The following TEK variants were observed in gnomAD, a reference collection of about 807,000 sequenced individuals.
TEK encodes angiopoietin-1 receptor.
TEK carries 43 observed loss-of-function variants against 131.8 expected under a neutral mutation model. The ratio of observed to expected loss-of-function variants is 0.33; its 90% CI spans 0.26 to 0.42. The LOEUF (loss-of-function observed/expected upper bound fraction) is 0.42. TEK is among the 10% of genes least tolerant of loss of function. TEK has a pLI of 1.00. For missense variants in TEK, 1,162 were observed against 1,384.4 expected (o/e 0.84, Z 2.55); for synonymous variants, 580 against 491.6 (o/e 1.18, Z -2.38).
At chr9:27,220,015 G>T (rs905982347) in intron 20 of TEK, 34 bp from the exon 21 acceptor site, 5 of 1,605,406 alleles carry the variant, frequency 3.1e-6, no homozygotes, top group Admixed American at 3.3e-5. Flanking sequence ...TTTCATGCCA[G>T]AGAGGACTTA....
chr9:27,111,609 AG>A (rs1821351516), intron 1 of TEK, among the ~76,000 whole-genome samples: 3 of 151,040 alleles, frequency 2.0e-5, no homozygotes, highest in African/African-American at 4.9e-5. Flanking sequence ...AGAGGGCTGG[AG>A]GGGATGTGTA....
At chr9:27,228,152 C>T in intron 21 of TEK, 54 bp from the exon 22 acceptor site, 2 of 1,452,256 alleles carry the variant, frequency 1.4e-6, no homozygotes, top group Non-Finnish European at 1.9e-6. Flanking sequence ...TCCTGCCGTG[C>T]CTAGGACTGA....
chr9:27,149,813 G>A (rs1055264885), intron 1 of TEK, among the ~76,000 whole-genome samples: 14 of 152,106 alleles, frequency 9.2e-5, no homozygotes, highest in African/African-American at 3.4e-4. Flanking sequence ...TGGGAACTTG[G>A]CAGGTAATTG....
chr9:27,220,185 T>A, intron 21 of TEK, 40 bp downstream of exon 21: 1 of 1,598,528 alleles, frequency 6.3e-7, no homozygotes, highest in Non-Finnish European at 8.6e-7. Context: ...TGTCTTACCT[T>A]CCCCCTGTGT....
At chr9:27,147,101 C>G (rs1216114024) in intron 1 of TEK, among the ~76,000 whole-genome samples, 1 of 152,108 alleles carries the variant, frequency 6.6e-6, no homozygotes, top group African/African-American at 2.4e-5. Context: ...TTGGGTGATA[C>G]GTAAGTGTAT....
chr9:27,186,286 C>T (rs1824596687), intron 9 of TEK, among the ~76,000 whole-genome samples: 1 of 152,146 alleles, frequency 6.6e-6, no homozygotes, highest in Admixed American at 6.6e-5. Context: ...GTTAACTTGG[C>T]TGGTGTACGT....
intron 9 of TEK, among the ~76,000 whole-genome samples, chr9:27,187,760 G>A (rs1019048050): frequency 6.6e-6 from 1 of 152,056 alleles, no homozygotes; most frequent in Non-Finnish European, 1.5e-5. Context: ...CTTGTAGATG[G>A]CCACTGTCTC....
At chr9:27,227,366 C>T (rs1826380504) in intron 21 of TEK, among the ~76,000 whole-genome samples, 1 of 152,146 alleles carries the variant, frequency 6.6e-6, no homozygotes, top group Non-Finnish European at 1.5e-5. Flanking sequence ...ATACATGATG[C>T]AAGGGGAAAG....
intron 1 of TEK, among the ~76,000 whole-genome samples, chr9:27,151,551 A>G (rs1384304040): frequency 6.6e-6 from 1 of 152,150 alleles, no homozygotes; most frequent in South Asian, 2.1e-4. Flanking sequence ...CCTTTAGACT[A>G]AAAGTCCACA....
In TEK at chr9:27,183,456, C is replaced by T. The variant is rs1336423876; in HGVS notation, c.1031-3C>T. The stretch of plus-strand genomic sequence containing the variant: ...ATTTCACAGTGCTGTTTTCTTCCTT[C>T]AGGCATACAGAGGATGACCCCAAAG... On this transcript the variant is annotated splice_polypyrimidine_tract_variant and splice_region_variant and intron_variant, in intron 7 of 22. Coordinates refer to ENST00000380036, the MANE Select transcript of TEK (RefSeq NM_000459.5). The T allele has an allele frequency of 6.2e-7, 1 of 1,613,586 alleles. No individual in the cohort carries two copies. Among genetic ancestry groups the T allele is most frequent in the Admixed American group, 1.7e-5 (1 of 59,990 alleles).
intron 11 of TEK, among the ~76,000 whole-genome samples, chr9:27,193,195 C>G (rs939843650): frequency 6.6e-6 from 1 of 152,090 alleles, no homozygotes; most frequent in Non-Finnish European, 1.5e-5. Context: ...TAGGTAGCCA[C>G]TTTCATCTCC....
chr9:27,152,312 T>C (rs567198055), intron 1 of TEK, among the ~76,000 whole-genome samples: 278 of 152,132 alleles, frequency 1.8e-3, no homozygotes, highest in African/African-American at 6.3e-3. Flanking sequence ...TAATTTAATC[T>C]GCCTAAAATT....
chr9:27,196,593 A>T (rs1322192832), intron 11 of TEK, among the ~76,000 whole-genome samples: 1 of 152,052 alleles, frequency 6.6e-6, no homozygotes, highest in Non-Finnish European at 1.5e-5. Context: ...TACCAAGCCA[A>T]ACAGTAAAAA....
intron 12 of TEK, among the ~76,000 whole-genome samples, chr9:27,202,153 T>C (rs1307439369): frequency 1.3e-5 from 2 of 152,220 alleles, no homozygotes; most frequent in East Asian, 3.8e-4. Context: ...AAGGCATCTC[T>C]TTCTCATCCT....
At chr9:27,217,576 AATG>A (rs2131239158) in intron 18 of TEK, 109 bp from the exon 19 acceptor site, 1 of 898,716 alleles carries the variant, frequency 1.1e-6, no homozygotes, top group Admixed American at 1.9e-5. Context: ...TACACAAAGC[AATG>A]ATTTCTGAGT....
rs183843551 is a variant in TEK, at chr9:27,168,626, T to G, written c.475+21T>G. The G allele has an allele frequency of 5.2e-3, 7,806 of 1,496,544 alleles. 65 individuals carry two copies. Among genetic ancestry groups the G allele is most frequent in the Middle Eastern group, 0.036 (205 of 5,630 alleles). The allele number at this position is 1,496,544 out of a possible 1,614,324, so 92.7% of individuals were successfully genotyped here. A position where few individuals can be genotyped will look rare whatever the true frequency, so the allele number is the denominator to read the frequency against. On this transcript the variant is annotated intron_variant, in intron 3 of 22. Transcript: ENST00000380036. ...AAATGGTGAGTATGTGTTTCATTGC[T>G]TTCCCCAGTATGATGTGAGATATCA...
At chr9:27,191,234 G>A (rs1824809283) in intron 10 of TEK, among the ~76,000 whole-genome samples, 1 of 152,084 alleles carries the variant, frequency 6.6e-6, no homozygotes, top group Non-Finnish European at 1.5e-5. Context: ...AATGGGCTCG[G>A]GGGAGGACAA....
rs956523221 is a variant in TEK, at chr9:27,220,670, C to T, written c.3200+525C>T. Among the ~76,000 whole-genome samples the T allele has an allele frequency of 9.8e-5, 15 of 152,290 alleles. No individual in the cohort carries two copies. The East Asian group carries it at 2.9e-3, about 29-fold the overall frequency. On this transcript the variant is annotated intron_variant, in intron 21 of 22. Coordinates refer to ENST00000380036, the MANE Select transcript of TEK (RefSeq NM_000459.5). ...CCATGGAGGGTGAGCTGAAGCCTCACCTGGGAAGCGCAAGGGGTTGGGGAA... is the reference window on the plus strand; with the variant it reads ...CCATGGAGGGTGAGCTGAAGCCTCATCTGGGAAGCGCAAGGGGTTGGGGAA...
intron 1 of TEK, among the ~76,000 whole-genome samples, chr9:27,152,598 G>T (rs5014897): frequency 1.4e-5 from 2 of 143,418 alleles, no homozygotes; most frequent in African/African-American, 2.7e-5. Context: ...AAGCCCCCCC[G>T]CCGCAAAAAA....
Sources: gnomAD v4.1 joint callset for allele counts (sites outside exome capture counted in the v4.1 genomes callset) on GRCh38, gnomAD v4.1.1 for gene constraint, MANE v1.5 for transcripts, NCBI Gene and HGNC (gene_info 2026-07-23, HGNC 2026-07-21) for gene names.